The following CPEB2 variants were observed in gnomAD, a reference collection of about 807,000 sequenced individuals.
The protein encoded by CPEB2 is cytoplasmic polyadenylation element binding protein 2.
A neutral mutation model predicts 93.6 loss-of-function variants in CPEB2; 56 were observed. That is an observed-to-expected ratio of 0.60 (90% CI 0.48 to 0.75). The LOEUF (loss-of-function observed/expected upper bound fraction) is 0.75, where lower values mean the gene tolerates loss of function less well. Among genes scored for constraint, CPEB2 ranks in the 30% least tolerant of loss-of-function variants. The pLI, the probability that CPEB2 is intolerant of heterozygous loss-of-function variation, is 0.00. For missense variants in CPEB2, 1,579 were observed against 1,395.1 expected (o/e 1.13, Z -2.10); for synonymous variants, 764 against 586.3 (o/e 1.30, Z -4.38).
rs751755268 is a variant in CPEB2 at position 15,003,738 on chromosome 4, C to CGGCGGG, written c.1074_1079dup (p.Gly359_Gly360dup). ...TTCCACACCCGGGCGGCGGCGGCGG[C>CGGCGGG]GGCGGGGGCGGGGGGCCCCCAGGAG... On this transcript the variant is annotated inframe_insertion, in exon 1 of 12. Transcript: ENST00000538197. 7.4e-5 allele frequency: 88 copies of CGGCGGG among 1,184,868 alleles called. No homozygotes were observed. The Admixed American group carries it at 2.1e-3, about 29-fold the overall frequency. The allele number at this position is 1,184,868 out of a possible 1,614,324, so 73.4% of individuals were successfully genotyped here.
At chr4:15,040,701 T>C (rs1727088326) in intron 6 of CPEB2, among the ~76,000 whole-genome samples, 1 of 152,198 alleles carries the variant, frequency 6.6e-6, no homozygotes, top group Non-Finnish European at 1.5e-5. Context: ...TTTTCCCCTT[T>C]TAAACTGCTG....
intron 4 of CPEB2, among the ~76,000 whole-genome samples, chr4:15,024,035 C>CT (rs1221339345): frequency 6.6e-6 from 1 of 151,898 alleles, no homozygotes; most frequent in Non-Finnish European, 1.5e-5. Context: ...TAATCATTAT[C>CT]TTTTTTAGTT....
At chr4:15,046,289 G>A (rs893448373) in intron 6 of CPEB2, among the ~76,000 whole-genome samples, 8 of 152,010 alleles carry the variant, frequency 5.3e-5, no homozygotes, top group Non-Finnish European at 8.8e-5. Context: ...GCAATGGCCC[G>A]ATCTCGGCTC....
In CPEB2 at chr4:15,056,350, T is replaced by C. The variant is rs116272479; in HGVS notation, c.2462-2071T>C. On this transcript the variant is annotated intron_variant, in intron 8 of 11. Coordinates refer to ENST00000538197, the MANE Select transcript of CPEB2 (RefSeq NM_001177382.2). ...TAGAAATTGTTTGGATGGAGAAAGATGCAGATTTTTGCATGAGCTACTTGT... is the reference window on the plus strand; with the variant it reads ...TAGAAATTGTTTGGATGGAGAAAGACGCAGATTTTTGCATGAGCTACTTGT... Among the ~76,000 whole-genome samples, 901 of 152,286 alleles carry C rather than the reference T, an allele frequency of 5.9e-3. 6 individuals are homozygous for C. The highest frequency in any genetic ancestry group is 7.3e-3 in the Non-Finnish European group (496 of 68,004).
intron 6 of CPEB2, among the ~76,000 whole-genome samples, chr4:15,051,306 C>A (rs1351748500): frequency 2.6e-5 from 4 of 152,178 alleles, no homozygotes; most frequent in Non-Finnish European, 5.9e-5. Context: ...GTTAGCCTGT[C>A]ATTCAATGCT....
intron 5 of CPEB2, among the ~76,000 whole-genome samples, chr4:15,034,284 C>T (rs374391338): frequency 2.0e-5 from 3 of 152,096 alleles, no homozygotes; most frequent in African/African-American, 4.8e-5. Flanking sequence ...TTGCCTGGGG[C>T]CATACTGAGT....
In CPEB2 at chr4:15,045,424, G is replaced by A. The variant is rs543608203; in HGVS notation, c.2200+4937G>A. On this transcript the variant is annotated intron_variant, in intron 6 of 11. Transcript: ENST00000538197. ...TCATACATATTATATATATATGAGC[G>A]TATATACATTTTAATTTAGACTCAT... 7.2e-5 allele frequency among the ~76,000 whole-genome samples: 11 copies of A among 152,048 alleles called. No homozygotes were observed. In the East Asian group the frequency reaches 1.5e-3, roughly 21 times the overall value.
At chr4:15,014,412 A>G (rs776186269) in intron 3 of CPEB2, among the ~76,000 whole-genome samples, 18 of 152,054 alleles carry the variant, frequency 1.2e-4, no homozygotes, top group Non-Finnish European at 1.9e-4. Context: ...TTATATGAAC[A>G]TTAACTTTTA....
chr4:15,066,070 T>C, intron 11 of CPEB2, 83 bp from the exon 12 acceptor site: 1 of 1,196,580 alleles, frequency 8.4e-7, no homozygotes, highest in South Asian at 1.4e-5. Context: ...GTCCTTTTTT[T>C]CTGCTGTAGA....
At chr4:15,022,478 A>G (rs1215352885) in intron 4 of CPEB2, among the ~76,000 whole-genome samples, 1 of 152,094 alleles carries the variant, frequency 6.6e-6, no homozygotes, top group African/African-American at 2.4e-5. Flanking sequence ...AGAAAATCAC[A>G]TATATTAGAT....
chr4:15,055,014 A>T (rs1728583220), intron 8 of CPEB2, among the ~76,000 whole-genome samples: 1 of 152,214 alleles, frequency 6.6e-6, no homozygotes, highest in Non-Finnish European at 1.5e-5. Context: ...AAAAGACCCC[A>T]ATAGAACTGT....
intron 8 of CPEB2, among the ~76,000 whole-genome samples, chr4:15,057,841 T>C (rs982854304): frequency 1.3e-4 from 20 of 152,256 alleles, no homozygotes; most frequent in African/African-American, 4.1e-4. Context: ...CTTAGTATCA[T>C]TGGGAAGTTT....
In CPEB2 at chr4:15,050,229, G is replaced by C. The variant is rs111864648; in HGVS notation, c.2201-2185G>C. On this transcript the variant is annotated intron_variant, in intron 6 of 11. Transcript: ENST00000538197. ...GCAGTAGCATTAGATTCTCACAGGA[G>C]CGTGAACCCTATTGTGAACTGCATG... 8.4e-3 allele frequency among the ~76,000 whole-genome samples: 1,283 copies of C among 152,242 alleles called. 5 individuals carry two copies. Among genetic ancestry groups the C allele is most frequent in the Middle Eastern group, 0.014 (4 of 294 alleles).
At chr4:15,010,376 T>A (rs899121201) in intron 3 of CPEB2, 1 of 152,290 alleles carries the variant, frequency 6.6e-6, no homozygotes, top group Non-Finnish European at 1.5e-5. Flanking sequence ...AGCCTCTTGG[T>A]TTCTTTGAGC....
chr4:15,046,658 T>C (rs1242863513), intron 6 of CPEB2, among the ~76,000 whole-genome samples: 1 of 151,094 alleles, frequency 6.6e-6, no homozygotes, highest in Non-Finnish European at 1.5e-5. Flanking sequence ...TTCCATTGTA[T>C]TCTTCTGTAA....
chr4:15,010,166 A>G (rs550244087), intron 3 of CPEB2, among the ~76,000 whole-genome samples: 9 of 152,300 alleles, frequency 5.9e-5, no homozygotes, highest in Non-Finnish European at 5.9e-5. Context: ...CCTCTTCCTC[A>G]TAATCTTTAT....
At chr4:15,025,752 T>G (rs1725376796) in intron 4 of CPEB2, among the ~76,000 whole-genome samples, 1 of 152,004 alleles carries the variant, frequency 6.6e-6, no homozygotes, top group African/African-American at 2.4e-5. Flanking sequence ...TCTGAACCTA[T>G]CCAGGTGTGT....
At chr4:15,038,559 A>G (rs1726855985) in intron 5 of CPEB2, among the ~76,000 whole-genome samples, 1 of 135,506 alleles carries the variant, frequency 7.4e-6, no homozygotes, top group African/African-American at 2.5e-5. Flanking sequence ...GGCTTAATAC[A>G]ACTATTCACT....
intron 6 of CPEB2, among the ~76,000 whole-genome samples, chr4:15,043,418 G>C (rs980886692): frequency 6.6e-6 from 1 of 152,146 alleles, no homozygotes; most frequent in Admixed American, 6.5e-5. Flanking sequence ...CTTTAGAGCT[G>C]CCTAGGGGGC....
Sources: gnomAD v4.1 joint callset for allele counts (sites outside exome capture counted in the v4.1 genomes callset) on GRCh38, gnomAD v4.1.1 for gene constraint, MANE v1.5 for transcripts, NCBI Gene and HGNC (gene_info 2026-07-23, HGNC 2026-07-21) for gene names.